Variants in PCBP3 observed in about 807,000 individuals in gnomAD.
PCBP3 encodes the protein poly(rC)-binding protein 3.
PCBP3 carries 25 observed loss-of-function variants against 52.7 expected under a neutral mutation model. That is an observed-to-expected ratio of 0.47 (90% CI 0.35 to 0.66). The LOEUF (loss-of-function observed/expected upper bound fraction) is 0.66. Ranked by LOEUF, PCBP3 falls within the 30% of genes least tolerant of loss-of-function variation. The pLI, the probability that PCBP3 is intolerant of heterozygous loss-of-function variation, is 0.01. For missense variants in PCBP3, 391 were observed against 490.3 expected (o/e 0.80, Z 1.91); for synonymous variants, 162 against 183.0 (o/e 0.89, Z 0.93).
chr21:45,723,602 A>C (rs1160559394), intron 2 of PCBP3, among the ~76,000 whole-genome samples: 2 of 152,246 alleles, frequency 1.3e-5, no homozygotes, highest in South Asian at 2.1e-4. Flanking sequence ...ATATTGACAC[A>C]TACCTGAAGT....
Position 45,941,988 on chromosome 21 carries a change from T to G in PCBP3, c.*282T>G, listed in dbSNP as rs868724190. 8.3e-5 allele frequency: 32 copies of G among 387,544 alleles called. No homozygotes were observed. The highest frequency in any genetic ancestry group is 6.4e-4 in the Middle Eastern group (1 of 1,564). The allele number at this position is 387,544 out of a possible 1,614,324, so 24.0% of individuals were successfully genotyped here. A position where few individuals can be genotyped will look rare whatever the true frequency, so the allele number is the denominator to read the frequency against. ...TGCAGTGGTAATTATTTTAGAAATA[T>G]TGTTCCTTGGTGTCAGCGTAGCTGT... On this transcript the variant is annotated 3_prime_UTR_variant, in exon 18 of 18. Coordinates refer to ENST00000681687, the MANE Select transcript of PCBP3 (RefSeq NM_001384156.1).
At chr21:45,854,832 G>A (rs1468949094) in intron 5 of PCBP3, among the ~76,000 whole-genome samples, 6 of 152,210 alleles carry the variant, frequency 3.9e-5, no homozygotes, top group Non-Finnish European at 8.8e-5. Context: ...TGTGGGCTCT[G>A]GGTGGGTGGA....
At chr21:45,671,214 C>A (rs1489465018) in intron 2 of PCBP3, among the ~76,000 whole-genome samples, 1 of 152,208 alleles carries the variant, frequency 6.6e-6, no homozygotes, top group Non-Finnish European at 1.5e-5. Context: ...TAGTTATCTG[C>A]CTCAGTCCTT....
intron 2 of PCBP3, among the ~76,000 whole-genome samples, chr21:45,734,165 T>C (rs2085673284): frequency 6.6e-6 from 1 of 152,208 alleles, no homozygotes; most frequent in African/African-American, 2.4e-5. Context: ...CCCAGCTTAG[T>C]CTGCTGCCAG....
intron 13 of PCBP3, among the ~76,000 whole-genome samples, chr21:45,923,259 G>A (rs2074719560): frequency 6.6e-6 from 1 of 152,206 alleles, no homozygotes; most frequent in South Asian, 2.1e-4. Context: ...AGTAGTCAAT[G>A]CCGCATGCTC....
At chr21:45,890,908 GATAATAGAA>G (rs959692342) in intron 5 of PCBP3, among the ~76,000 whole-genome samples, 1 of 146,958 alleles carries the variant, frequency 6.8e-6, no homozygotes, top group Non-Finnish European at 1.5e-5. Flanking sequence ...GGGGAATGTA[GATAATAGAA>G]CCTGGAACTC....
chr21:45,913,830 G>A (rs1258303578), intron 11 of PCBP3, 121 bp from the exon 12 acceptor site: 4 of 866,446 alleles, frequency 4.6e-6, no homozygotes, highest in Middle Eastern at 3.2e-4. Flanking sequence ...AACTCGGGGA[G>A]GTGTGGGGAG....
rs542909734 is a variant in PCBP3 at position 45,904,831 on chromosome 21, G to A, written c.339+3718G>A. Among the ~76,000 whole-genome samples, 130 of 152,270 alleles carry A rather than the reference G, an allele frequency of 8.5e-4. No individual in the cohort carries two copies. The highest frequency in any genetic ancestry group is 3.0e-3 in the African/African-American group (125 of 41,548). On this transcript the variant is annotated intron_variant, in intron 9 of 17. Coordinates refer to ENST00000681687, the MANE Select transcript of PCBP3 (RefSeq NM_001384156.1). This position sits in a 1 kb window ranked among gnomAD's most constrained non-coding sequence, Gnocchi z 4.8. The stretch of plus-strand genomic sequence containing the variant: ...CCTCACACCATGTCACGATTGTGCT[G>A]GTGACGGATACCTGGCCTTAAAAGA...
intron 13 of PCBP3, among the ~76,000 whole-genome samples, chr21:45,927,784 G>T (rs978856076): frequency 1.3e-5 from 2 of 152,160 alleles, no homozygotes; most frequent in Non-Finnish European, 2.9e-5. Flanking sequence ...CCACTTTATA[G>T]TCAAGGAACT....
chr21:45,852,263 G>T (rs1247301811), intron 5 of PCBP3, among the ~76,000 whole-genome samples: 2 of 152,180 alleles, frequency 1.3e-5, no homozygotes, highest in South Asian at 2.1e-4. Flanking sequence ...AAAAGCTGAC[G>T]GCTTCGAAGG....
intron 2 of PCBP3, chr21:45,732,749 G>C (rs1332432547): frequency 6.6e-6 from 1 of 152,060 alleles, no homozygotes; most frequent in Non-Finnish European, 1.5e-5. Flanking sequence ...TTGAATTCCT[G>C]GGCTCAGGTA....
intron 4 of PCBP3, among the ~76,000 whole-genome samples, chr21:45,819,087 G>A (rs757874405): frequency 3.3e-5 from 5 of 152,130 alleles, no homozygotes; most frequent in African/African-American, 4.8e-5. Flanking sequence ...TGGTGGATGC[G>A]TGTCATTACA....
chr21:45,713,436 C>T (rs1258211898), intron 2 of PCBP3, among the ~76,000 whole-genome samples: 1 of 152,220 alleles, frequency 6.6e-6, no homozygotes, highest in Non-Finnish European at 1.5e-5. Flanking sequence ...AGCAGTCCTG[C>T]CCACACAGCC....
chr21:45,925,062 ATC>A (rs2075184985), intron 13 of PCBP3, among the ~76,000 whole-genome samples: 1 of 82,022 alleles, frequency 1.2e-5, no homozygotes, highest in African/African-American at 6.5e-5. Context: ...CACACGTAAG[ATC>A]GGGTGTGCGT....
intron 6 of PCBP3, among the ~76,000 whole-genome samples, chr21:45,898,362 T>TCCTCACAGC (rs1556197055): frequency 1.3e-4 from 5 of 39,770 alleles, no homozygotes; most frequent in African/African-American, 4.0e-4. Context: ...ATCCTCATGG[T>TCCTCACAGC]CTCCCTCTGC....
At chr21:45,935,389 A>G (rs2076780237) in intron 16 of PCBP3, 84 bp downstream of exon 16, 1 of 960,406 alleles carries the variant, frequency 1.0e-6, no homozygotes, top group Non-Finnish European at 1.7e-6. Flanking sequence ...CTTTGGGCAG[A>G]GGGACCCACT....
At chr21:45,700,390 G>A (rs961162108) in intron 2 of PCBP3, among the ~76,000 whole-genome samples, 10 of 152,182 alleles carry the variant, frequency 6.6e-5, no homozygotes, top group Admixed American at 3.9e-4. Flanking sequence ...AGAATTCTCT[G>A]TTCCCTGGAT....
intron 2 of PCBP3, among the ~76,000 whole-genome samples, chr21:45,716,054 T>G (rs2084197433): frequency 6.6e-6 from 1 of 152,158 alleles, no homozygotes; most frequent in Non-Finnish European, 1.5e-5. Flanking sequence ...TAATCCAAGG[T>G]CACATTTTCA....
Position 45,829,165 on chromosome 21 carries a change from G to C in PCBP3, c.-125-20796G>C, listed in dbSNP as rs117911892. 1 of 152,316 alleles carries C rather than the reference G, an allele frequency of 6.6e-6. No individual in the cohort carries two copies. The highest frequency in any genetic ancestry group is 1.5e-5 in the Non-Finnish European group (1 of 68,126). The allele number at this position is 152,316 out of a possible 1,614,324, so 9.4% of individuals were successfully genotyped here. On this transcript the variant is annotated intron_variant, in intron 4 of 17. Transcript: ENST00000681687. This position sits in a 1 kb window ranked among gnomAD's most constrained non-coding sequence, Gnocchi z 5.2. The stretch of plus-strand genomic sequence containing the variant: ...CCACGGTTTCACAACTCCAGAGCAG[G>C]GGTATAAGCCTGTCCTCTGCTGCTC...
Sources: gnomAD v4.1 joint callset for allele counts (sites outside exome capture counted in the v4.1 genomes callset) on GRCh38, gnomAD v4.1.1 for gene constraint, Gnocchi (gnomAD v3.1) non-coding constraint, MANE v1.5 for transcripts, NCBI Gene and HGNC (gene_info 2026-07-23, HGNC 2026-07-21) for gene names.